RYR3: variants seen among roughly 807,000 people sequenced by gnomAD.
RYR3 encodes the protein brain ryanodine receptor-calcium release channel.
Under a neutral mutation model 584.3 loss-of-function variants are expected in RYR3, and 207 were observed. The observed-to-expected ratio is 0.35, with a 90% CI of 0.32 to 0.40. RYR3 has a LOEUF of 0.40. RYR3 is among the 10% of genes least tolerant of loss of function. The pLI is 1.00. For missense variants in RYR3, 5,616 were observed against 6,089.2 expected (o/e 0.92, Z 2.59); for synonymous variants, 2,416 against 2,248.5 (o/e 1.07, Z -2.11).
intron 10 of RYR3, among the ~76,000 whole-genome samples, chr15:33,555,758 C>T (rs373382947): frequency 4.3e-4 from 65 of 152,122 alleles, no homozygotes; most frequent in African/African-American, 1.5e-3. Flanking sequence ...ATGAGAAATA[C>T]GGAGAAAAGA....
chr15:33,639,562 C>G (rs147122672), intron 27 of RYR3, among the ~76,000 whole-genome samples: 7 of 152,256 alleles, frequency 4.6e-5, no homozygotes, highest in Admixed American at 3.9e-4. Context: ...CTACCTCCCC[C>G]CACCCCGTAA....
At chr15:33,531,342 A>C (rs1411360697) in intron 4 of RYR3, among the ~76,000 whole-genome samples, 1 of 151,932 alleles carries the variant, frequency 6.6e-6, no homozygotes, top group East Asian at 1.9e-4. Context: ...AAAAAATATA[A>C]TTTTACAATA....
intron 1 of RYR3, among the ~76,000 whole-genome samples, chr15:33,459,643 G>GTAT (rs1158671180): frequency 1.3e-5 from 2 of 152,150 alleles, no homozygotes; most frequent in Non-Finnish European, 2.9e-5. Context: ...AAGACTTTGG[G>GTAT]TATCACAGTC....
intron 20 of RYR3, among the ~76,000 whole-genome samples, chr15:33,625,962 A>G (rs866470973): frequency 6.6e-6 from 1 of 152,106 alleles, no homozygotes; most frequent in South Asian, 2.1e-4. Context: ...TCCTTATACC[A>G]CTGTGGCATT....
chr15:33,681,218 A>G (rs371565920), intron 38 of RYR3, among the ~76,000 whole-genome samples: 2 of 152,220 alleles, frequency 1.3e-5, no homozygotes, highest in South Asian at 2.1e-4. Context: ...TTGTAGCCTC[A>G]GAAAAGAGTT....
intron 5 of RYR3, among the ~76,000 whole-genome samples, chr15:33,537,236 C>T (rs1036477038): frequency 8.6e-5 from 13 of 151,312 alleles, no homozygotes; most frequent in African/African-American, 2.9e-4. Flanking sequence ...TGGTTAGATT[C>T]GCTTGCATGA....
At chr15:33,630,130 C>A in intron 22 of RYR3, 87 bp downstream of exon 22, 2 of 709,934 alleles carry the variant, frequency 2.8e-6, no homozygotes, top group Non-Finnish European at 4.7e-6. Context: ...ATGTCTCTTG[C>A]CTGAAAACGT....
intron 60 of RYR3, among the ~76,000 whole-genome samples, chr15:33,758,184 G>A (rs1464036675): frequency 6.6e-6 from 1 of 152,180 alleles, no homozygotes; most frequent in Non-Finnish European, 1.5e-5. Context: ...ACCCCACCAG[G>A]GCCCTGGGTT....
chr15:33,853,557 G>T lies in RYR3; in HGVS notation c.13674G>T (p.Val4558=), dbSNP rs778630114. The part of the protein sequence containing the change: ...NYWDKFVKRK[V]INKYGDLYGA... ...CACCCTGTCATCCTTTGCTTCAGGT[G>T]ATCAACAAGTATGGAGATCTCTACG... The change falls in exon 96 of 104, where the codon GTG becomes GTT. Residue 4558 remains valine (V), a splice_region_variant and synonymous_variant. Coordinates refer to ENST00000634891, the MANE Select transcript of RYR3 (RefSeq NM_001036.6). 1.2e-6 allele frequency: 2 copies of T among 1,613,568 alleles called. No homozygotes were observed. Among genetic ancestry groups the T allele is most frequent in the South Asian group, 1.1e-5 (1 of 91,014 alleles).
chr15:33,434,186 G>C (rs2045456619), intron 1 of RYR3, among the ~76,000 whole-genome samples: 1 of 152,206 alleles, frequency 6.6e-6, no homozygotes, highest in South Asian at 2.1e-4. Flanking sequence ...GCCTGAGAGA[G>C]AGCCCATCAA....
Position 33,821,965 on chromosome 15 carries a change from C to T in RYR3, c.10995+363C>T, listed in dbSNP as rs530333806. Among the ~76,000 whole-genome samples the T allele has an allele frequency of 9.2e-5, 14 of 152,294 alleles. No homozygotes were observed. The South Asian group carries it at 2.5e-3, about 27-fold the overall frequency. On this transcript the variant is annotated intron_variant, in intron 80 of 103. Transcript: ENST00000634891. ...TGCCTTTAGTATGAGCAAGGAGCCT[C>T]ATCAGTTAAGTGGAACTGATAAACT...
At chr15:33,862,929 G>C (rs1415985255) in intron 102 of RYR3, among the ~76,000 whole-genome samples, 2 of 152,224 alleles carry the variant, frequency 1.3e-5, no homozygotes, top group Non-Finnish European at 2.9e-5. Context: ...AAAAACTTGA[G>C]TTTTAAAAAG....
chr15:33,623,794 C>T lies in RYR3; in HGVS notation c.2358-13C>T, dbSNP rs148172251. 66 of 1,578,936 alleles carry T rather than the reference C, an allele frequency of 4.2e-5. No homozygotes were observed. Among genetic ancestry groups the T allele is most frequent in the African/African-American group, 2.2e-4 (16 of 74,140 alleles). ...TTTTTAACCTCTGTATTTCTGCTAT[C>T]TTCAAATGACAGAGTACGTTTCCTG... On this transcript the variant is annotated splice_polypyrimidine_tract_variant and intron_variant, in intron 19 of 103. Transcript: ENST00000634891.
intron 1 of RYR3, among the ~76,000 whole-genome samples, chr15:33,328,131 A>G (rs1337762232): frequency 6.6e-6 from 1 of 152,212 alleles, no homozygotes; most frequent in Non-Finnish European, 1.5e-5. Flanking sequence ...TGTGCCAAAT[A>G]AACATATGCA....
At chr15:33,596,496 G>GC (rs1555547356) in intron 16 of RYR3, among the ~76,000 whole-genome samples, 1,824 of 13,332 alleles carry the variant, frequency 0.14, 50 homozygotes, top group African/African-American at 0.41. Context: ...TTCTTTTTTT[G>GC]GGGGGGGGGG....
chr15:33,724,767 A>T (rs1192342875), intron 45 of RYR3, among the ~76,000 whole-genome samples: 2 of 152,172 alleles, frequency 1.3e-5, no homozygotes, highest in African/African-American at 4.8e-5. Flanking sequence ...ATCATAAGAG[A>T]GGAAATAGCT....
chr15:33,702,315 T>C (rs1204581524), intron 42 of RYR3, among the ~76,000 whole-genome samples: 1 of 152,140 alleles, frequency 6.6e-6, no homozygotes, highest in African/African-American at 2.4e-5. Flanking sequence ...CACCCCAGTT[T>C]CAGTAAGAAG....
In RYR3 at chr15:33,662,574, C is replaced by A. The variant is rs1314234246; in HGVS notation, c.5044C>A (p.Gln1682Lys). 8 of 1,614,044 alleles carry A rather than the reference C, an allele frequency of 5.0e-6. No individual in the cohort carries two copies. In the South Asian group the frequency reaches 8.8e-5, roughly 18 times the overall value. Residue 1682 changes from glutamine to lysine, a missense_variant, in exon 35 of 104, where the codon CAG becomes AAG. This residue lies in a region of RYR3 where 753 missense variants were observed against 741.0 expected (regional missense o/e 1.02). Coordinates refer to ENST00000634891, the MANE Select transcript of RYR3 (RefSeq NM_001036.6). The part of the protein sequence containing the change: ...FVVTGEDHQK[Q>K]SPEIPLESLR... The stretch of plus-strand genomic sequence containing the variant: ...TGTGACTGGTGAGGATCACCAAAAG[C>A]AGAGCCCCGAGATTCCCTTGGAGAG...
At position 33,543,477 on chromosome 15, in the gene RYR3, T is replaced by G. The variant is rs573687767; in HGVS notation, c.647-145T>G. The G allele has an allele frequency of 9.2e-4, 596 of 648,488 alleles. 8 individuals are homozygous for G. In the South Asian group the frequency reaches 0.011, roughly 12 times the overall value. 40.2% of individuals were successfully genotyped at this position (648,488 alleles called of 1,614,324 possible). A position where few individuals can be genotyped will look rare whatever the true frequency, so the allele number is the denominator to read the frequency against. The stretch of plus-strand genomic sequence containing the variant: ...CTGTCTTTTCTGCCTGAGGCCTGCA[T>G]TCATGGAATATGTAGTTATCAAAAT... On this transcript the variant is annotated intron_variant, in intron 7 of 103. Coordinates refer to ENST00000634891, the MANE Select transcript of RYR3 (RefSeq NM_001036.6).
Sources: gnomAD v4.1 joint callset for allele counts (sites outside exome capture counted in the v4.1 genomes callset) on GRCh38, gnomAD v4.1.1 for gene constraint, gnomAD v4.1.1 regional missense constraint, MANE v1.5 for transcripts, NCBI Gene and HGNC (gene_info 2026-07-23, HGNC 2026-07-21) for gene names.